COL22A1: variants seen among roughly 807,000 people sequenced by gnomAD.
COL22A1 encodes collagen type XXII alpha 1 chain.
Under a neutral mutation model 248.9 loss-of-function variants are expected in COL22A1, and 221 were observed. The ratio of observed to expected loss-of-function variants is 0.89; its 90% CI spans 0.80 to 0.99. The LOEUF is 0.99. Ranked by LOEUF, COL22A1 falls within the 50% of genes least tolerant of loss-of-function variation. COL22A1 has a pLI of 0.00. For missense variants in COL22A1, 2,240 were observed against 2,179.0 expected, an observed-to-expected ratio of 1.03 and a Z score of -0.56; for synonymous variants, 891 against 793.4, an observed-to-expected ratio of 1.12 and a Z score of -2.07.
At chr8:138,675,996 G>A (rs1349341873) in intron 41 of COL22A1, among the ~76,000 whole-genome samples, 1 of 152,158 alleles carries the variant, frequency 6.6e-6, no homozygotes, top group Admixed American at 6.5e-5. Flanking sequence ...CAACCTGAAC[G>A]GGAACACACT....
intron 3 of COL22A1, among the ~76,000 whole-genome samples, chr8:138,844,555 G>T (rs1171040798): frequency 6.6e-6 from 1 of 152,208 alleles, no homozygotes; most frequent in South Asian, 2.1e-4. Flanking sequence ...CAGGAGGACA[G>T]AGAAGCTTTC....
intron 6 of COL22A1, chr8:138,825,671 T>G (rs1362259838): frequency 1.3e-5 from 2 of 152,204 alleles, no homozygotes; most frequent in Admixed American, 6.5e-5. Context: ...TTTAAGAGTA[T>G]CTTGCCCTCT....
At chr8:138,608,426 T>G (rs1282564769) in intron 56 of COL22A1, among the ~76,000 whole-genome samples, 1 of 152,098 alleles carries the variant, frequency 6.6e-6, no homozygotes, top group Non-Finnish European at 1.5e-5. Flanking sequence ...TGCACTTATC[T>G]CCTTGTACTC....
chr8:138,712,739 TACCAACAGAGGGTACATGTTCTATCA>T (rs1829095009), intron 30 of COL22A1, among the ~76,000 whole-genome samples: 1 of 152,088 alleles, frequency 6.6e-6, no homozygotes, highest in Non-Finnish European at 1.5e-5. Context: ...GCAAGTGTTC[TACCAACAGAGGGTACATGTTCTATCA>T]GCAGAGGGTA....
chr8:138,865,555 GTGTA>G (rs1822802882), intron 3 of COL22A1, among the ~76,000 whole-genome samples: 1 of 150,228 alleles, frequency 6.7e-6, no homozygotes, highest in South Asian at 2.1e-4. Flanking sequence ...ATGCCTGTGA[GTGTA>G]TGTGTGTGTA....
chr8:138,684,955 C>A (rs370082209), intron 38 of COL22A1, among the ~76,000 whole-genome samples: 127 of 152,302 alleles, frequency 8.3e-4, no homozygotes, highest in African/African-American at 2.9e-3. Flanking sequence ...GACTGTCTCT[C>A]CATGAGATGG....
intron 7 of COL22A1, among the ~76,000 whole-genome samples, chr8:138,816,570 C>A (rs1186280687): frequency 6.6e-6 from 1 of 152,208 alleles, no homozygotes; most frequent in Non-Finnish European, 1.5e-5. Context: ...TGGAAGGCTG[C>A]ATTCAGCACG....
chr8:138,668,030 A>G (rs1419710684), intron 41 of COL22A1, among the ~76,000 whole-genome samples: 1 of 152,166 alleles, frequency 6.6e-6, no homozygotes, highest in Non-Finnish European at 1.5e-5. Context: ...CATCCAACCA[A>G]TCGCTATATG....
At chr8:138,663,206 T>G (rs1007285052) in intron 42 of COL22A1, among the ~76,000 whole-genome samples, 7 of 152,232 alleles carry the variant, frequency 4.6e-5, no homozygotes, top group African/African-American at 7.2e-5. Flanking sequence ...AGGCATGTCA[T>G]GGATGGTTGC....
intron 3 of COL22A1, among the ~76,000 whole-genome samples, chr8:138,872,440 C>T (rs1823410982): frequency 6.6e-6 from 1 of 152,166 alleles, no homozygotes; most frequent in Non-Finnish European, 1.5e-5. Context: ...GCTGTGGGGA[C>T]AGGAGAGAGA....
intron 50 of COL22A1, among the ~76,000 whole-genome samples, chr8:138,629,044 C>G (rs1192947401): frequency 1.3e-5 from 2 of 151,888 alleles, no homozygotes; most frequent in African/African-American, 4.8e-5. Context: ...ATCTCCTGAC[C>G]TGATGATTTG....
chr8:138,845,611 T>C (rs892848491), intron 3 of COL22A1, among the ~76,000 whole-genome samples: 1 of 152,130 alleles, frequency 6.6e-6, no homozygotes, highest in Non-Finnish European at 1.5e-5. Context: ...AGCATTAACT[T>C]TGAATTTTAA....
At chr8:138,796,624 T>A (rs942816044) in intron 12 of COL22A1, among the ~76,000 whole-genome samples, 195 bp downstream of exon 12, 4 of 151,956 alleles carry the variant, frequency 2.6e-5, no homozygotes, top group Non-Finnish European at 5.9e-5. Flanking sequence ...CTTCTCTCTT[T>A]CTGCTGAGTA....
rs775367913 is a variant in COL22A1 at position 138,724,608 on chromosome 8, C to G, written c.2247+7G>C. On this transcript the variant is annotated splice_region_variant and intron_variant, in intron 25 of 64. Transcript: ENST00000303045. ...AGGGGAGCAGGAAGATGTTTCCGAACACTCACCGTGGGCCCAGGAGGTCCA... is the reference window on the plus strand; with the variant it reads ...AGGGGAGCAGGAAGATGTTTCCGAAGACTCACCGTGGGCCCAGGAGGTCCA... 1 of 1,613,832 alleles carries G rather than the reference C, an allele frequency of 6.2e-7. No individual in the cohort carries two copies. Among genetic ancestry groups the G allele is most frequent in the Non-Finnish European group, 8.5e-7 (1 of 1,179,868 alleles).
intron 1 of COL22A1, among the ~76,000 whole-genome samples, chr8:138,889,910 T>C (rs1181505244): frequency 1.3e-5 from 2 of 152,176 alleles, no homozygotes; most frequent in East Asian, 1.9e-4. Flanking sequence ...TTGTCATATA[T>C]CTTTCTAAAT....
At position 138,646,898 on chromosome 8, in the gene COL22A1, T is replaced by A. The variant is rs566283121; in HGVS notation, c.3448-216A>T. Among the ~76,000 whole-genome samples the A allele has an allele frequency of 7.2e-5, 11 of 152,282 alleles. No homozygotes were observed. In the South Asian group the frequency reaches 2.3e-3, roughly 32 times the overall value. On this transcript the variant is annotated intron_variant, in intron 46 of 64. Coordinates refer to ENST00000303045, the MANE Select transcript of COL22A1 (RefSeq NM_152888.3). ...CAACCATGGCATGACCCACCATTAA[T>A]ATGGTTAGTTGGTGTGTCTCCAAGA...
At chr8:138,619,350 A>C in intron 53 of COL22A1, 105 bp downstream of exon 53, 1 of 956,276 alleles carries the variant, frequency 1.0e-6, no homozygotes, top group Non-Finnish European at 1.7e-6. Flanking sequence ...AAGGACTTCT[A>C]GGACCCCACG....
intron 35 of COL22A1, among the ~76,000 whole-genome samples, chr8:138,692,462 CATGTGT>C (rs1474363888): frequency 0.011 from 491 of 46,266 alleles, 1 homozygote; most frequent in African/African-American, 0.032. Flanking sequence ...TGTGTGAGTG[CATGTGT>C]GTGTGTGTGT....
intron 1 of COL22A1, among the ~76,000 whole-genome samples, chr8:138,891,449 C>T (rs1825065204): frequency 6.6e-6 from 1 of 152,238 alleles, no homozygotes; most frequent in African/African-American, 2.4e-5. Flanking sequence ...CTTCCCAGCA[C>T]TAAACCATTA....
Sources: gnomAD v4.1 joint callset for allele counts (sites outside exome capture counted in the v4.1 genomes callset) on GRCh38, gnomAD v4.1.1 for gene constraint, MANE v1.5 for transcripts, NCBI Gene and HGNC (gene_info 2026-07-23, HGNC 2026-07-21) for gene names.